Variants in KCNH5 observed in about 807,000 individuals in gnomAD.
The protein encoded by KCNH5 is potassium voltage-gated channel subfamily H member 5, also known as voltage-gated delayed rectifier potassium channel KCNH5.
KCNH5 carries 46 observed loss-of-function variants against 96.1 expected under a neutral mutation model. The observed-to-expected ratio is 0.48, with a 90% CI of 0.38 to 0.61. The LOEUF is 0.61. KCNH5 is among the 20% of genes least tolerant of loss of function. KCNH5 has a pLI of 0.00. For missense variants in KCNH5, 907 were observed against 1,225.8 expected (o/e 0.74, Z 3.88); for synonymous variants, 439 against 449.8 (o/e 0.98, Z 0.30).
At chr14:62,909,032 ATTTTTTTTTTTTTTTTTT>A (rs58920666) in intron 7 of KCNH5, among the ~76,000 whole-genome samples, 1 of 57,894 alleles carries the variant, frequency 1.7e-5, no homozygotes, top group African/African-American at 7.4e-5. Flanking sequence ...TATGCTACGT[ATTTTTTTTTTTTTTTTTT>A]TTTTTTTTTT....
chr14:62,899,863 A>T (rs1453556652), intron 7 of KCNH5, among the ~76,000 whole-genome samples: 1 of 152,100 alleles, frequency 6.6e-6, no homozygotes, highest in Non-Finnish European at 1.5e-5. Flanking sequence ...AATTAAAAAA[A>T]TTTTTAATTC....
At chr14:62,836,854 T>TA (rs1245623775) in intron 8 of KCNH5, among the ~76,000 whole-genome samples, 2 of 152,158 alleles carry the variant, frequency 1.3e-5, no homozygotes, top group Admixed American at 6.6e-5. Flanking sequence ...GCCTGGAACA[T>TA]ACGGGGCATG....
At chr14:62,927,487 T>C (rs1418841943) in intron 7 of KCNH5, among the ~76,000 whole-genome samples, 1 of 152,110 alleles carries the variant, frequency 6.6e-6, no homozygotes, top group African/African-American at 2.4e-5. Context: ...AGCAACCAAG[T>C]GTCCATCAAC....
chr14:62,906,967 G>C (rs1889041514), intron 7 of KCNH5, among the ~76,000 whole-genome samples: 1 of 152,136 alleles, frequency 6.6e-6, no homozygotes, highest in African/African-American at 2.4e-5. Flanking sequence ...GTATAGCACT[G>C]TCTCAATTCT....
intron 7 of KCNH5, among the ~76,000 whole-genome samples, chr14:62,860,025 T>G (rs1888001969): frequency 6.6e-6 from 1 of 152,144 alleles, no homozygotes; most frequent in Non-Finnish European, 1.5e-5. Flanking sequence ...TCACTTCCAT[T>G]TGATGATAGA....
At chr14:62,849,099 T>C (rs754407571) in intron 8 of KCNH5, among the ~76,000 whole-genome samples, 9 of 152,200 alleles carry the variant, frequency 5.9e-5, no homozygotes, top group Non-Finnish European at 1.3e-4. Flanking sequence ...AGATTAGAGA[T>C]ACCAGATGAT....
chr14:62,993,625 C>G (rs1890853844), intron 4 of KCNH5, among the ~76,000 whole-genome samples: 1 of 151,980 alleles, frequency 6.6e-6, no homozygotes. Context: ...CTTTGTGTTC[C>G]TGAACACATC....
At chr14:62,969,150 CT>C (rs1279604748) in intron 6 of KCNH5, among the ~76,000 whole-genome samples, 6 of 152,038 alleles carry the variant, frequency 3.9e-5, no homozygotes, top group Non-Finnish European at 8.8e-5. Flanking sequence ...AAATAACACA[CT>C]TTTAAATAAC....
chr14:62,936,270 A>T (rs1206182468), intron 7 of KCNH5, among the ~76,000 whole-genome samples: 1 of 152,206 alleles, frequency 6.6e-6, no homozygotes, highest in East Asian at 1.9e-4. Context: ...GGTCCAGGTC[A>T]AGTGTTTTAT....
chr14:62,867,453 T>C (rs1010763260), intron 7 of KCNH5, among the ~76,000 whole-genome samples: 3 of 151,918 alleles, frequency 2.0e-5, no homozygotes, highest in Admixed American at 1.3e-4. Context: ...TTTTTAACAT[T>C]TGCTAATGTT....
At chr14:62,864,903 G>C (rs1888104047) in intron 7 of KCNH5, among the ~76,000 whole-genome samples, 1 of 152,168 alleles carries the variant, frequency 6.6e-6, no homozygotes, top group South Asian at 2.1e-4. Context: ...GGAAGGAGCA[G>C]GTCCTGGCAT....
At position 63,014,032 on chromosome 14, in the gene KCNH5, T is replaced by C. The variant is rs545903564; in HGVS notation, c.197+2799A>G. On this transcript the variant is annotated intron_variant, in intron 2 of 10. Coordinates refer to ENST00000322893, the MANE Select transcript of KCNH5 (RefSeq NM_139318.5). ...TATCAGATGCTAGTCTTCATTGTTC[T>C]GTGAGGGCATTAAACTGGTTGCAAT... Among the ~76,000 whole-genome samples, 21 of 152,290 alleles carry C rather than the reference T, an allele frequency of 1.4e-4. No individual in the cohort carries two copies. In the South Asian group the frequency reaches 3.7e-3, roughly 27 times the overall value.
At chr14:62,857,692 C>T (rs1887956410) in intron 7 of KCNH5, among the ~76,000 whole-genome samples, 1 of 152,160 alleles carries the variant, frequency 6.6e-6, no homozygotes, top group Non-Finnish European at 1.5e-5. Context: ...GTTTTATATT[C>T]TAGCTGCACT....
At chr14:62,723,358 G>T (rs1007547830) in intron 10 of KCNH5, among the ~76,000 whole-genome samples, 6 of 152,238 alleles carry the variant, frequency 3.9e-5, no homozygotes, top group African/African-American at 1.4e-4. Context: ...CTTCTATTAA[G>T]TATTATCTTC....
At chr14:62,763,647 C>CA (rs1411431664) in intron 10 of KCNH5, among the ~76,000 whole-genome samples, 9 of 151,682 alleles carry the variant, frequency 5.9e-5, no homozygotes, top group East Asian at 5.8e-4. Context: ...GCTATCCTAA[C>CA]AAAAAAAAGT....
At chr14:62,978,032 G>A (rs1032343107) in intron 6 of KCNH5, among the ~76,000 whole-genome samples, 1 of 152,154 alleles carries the variant, frequency 6.6e-6, no homozygotes, top group African/African-American at 2.4e-5. Context: ...AGAGCCCTGG[G>A]GAAATGTGTG....
chr14:62,885,264 G>A (rs955696823), intron 7 of KCNH5, among the ~76,000 whole-genome samples: 1 of 152,086 alleles, frequency 6.6e-6, no homozygotes, highest in Admixed American at 6.5e-5. Context: ...TCCTCTTGGG[G>A]TGATGTGACA....
chr14:62,928,479 G>A (rs1889517515), intron 7 of KCNH5, among the ~76,000 whole-genome samples: 2 of 152,006 alleles, frequency 1.3e-5, no homozygotes, highest in African/African-American at 4.8e-5. Flanking sequence ...GCATTATTTG[G>A]AGCATTTTAT....
intron 7 of KCNH5, among the ~76,000 whole-genome samples, chr14:62,868,100 C>G (rs112468649): frequency 6.6e-6 from 1 of 152,222 alleles, no homozygotes; most frequent in East Asian, 1.9e-4. Context: ...GCAGAATGAA[C>G]AAATCAATCA....
Sources: gnomAD v4.1 joint callset for allele counts (sites outside exome capture counted in the v4.1 genomes callset) on GRCh38, gnomAD v4.1.1 for gene constraint, MANE v1.5 for transcripts, NCBI Gene and HGNC (gene_info 2026-07-23, HGNC 2026-07-21) for gene names.